CASZ1: variants seen among roughly 807,000 people sequenced by gnomAD.
The protein encoded by CASZ1 is zinc finger protein castor homolog 1.
Under a neutral mutation model 135.2 loss-of-function variants are expected in CASZ1, and 28 were observed. That is an observed-to-expected ratio of 0.21 (90% CI 0.15 to 0.28). The LOEUF is 0.28. CASZ1 is among the 10% of genes least tolerant of loss of function. CASZ1 has a pLI of 1.00. For missense variants in CASZ1, 2,161 were observed against 2,453.3 expected (o/e 0.88, Z 2.52); for synonymous variants, 1,068 against 1,073.4 (o/e 0.99, Z 0.10).
At chr1:10,758,913 T>A (rs1640310537) in intron 2 of CASZ1, among the ~76,000 whole-genome samples, 1 of 152,138 alleles carries the variant, frequency 6.6e-6, no homozygotes. Flanking sequence ...CCAAGCTTCA[T>A]TATCAAGTCC....
At chr1:10,644,408 G>A (rs780238948) in intron 18 of CASZ1, among the ~76,000 whole-genome samples, 64 of 152,110 alleles carry the variant, frequency 4.2e-4, no homozygotes, top group Non-Finnish European at 7.1e-4. Flanking sequence ...GATCTGAGTC[G>A]CCACCACTGT....
At chr1:10,683,864 AGAC>A (rs2100369851) in intron 4 of CASZ1, among the ~76,000 whole-genome samples, 1 of 152,338 alleles carries the variant, frequency 6.6e-6, no homozygotes, top group East Asian at 1.9e-4. Flanking sequence ...ATGTGTTTGC[AGAC>A]TACAGGTGGG....
Position 10,735,553 on chromosome 1 carries a change from C to T in CASZ1, c.-77+25148G>A, listed in dbSNP as rs183597921. 6.6e-6 allele frequency among the ~76,000 whole-genome samples: 1 copy of T among 152,264 alleles called. No homozygotes were observed. Among genetic ancestry groups the T allele is most frequent in the Non-Finnish European group, 1.5e-5 (1 of 68,014 alleles). ...TTTGCCTGGGGGAGGGGGTGTGCTG[C>T]AGGAAGGAGGGATGGCTGGTGCCTC... On this transcript the variant is annotated intron_variant, in intron 2 of 20. Transcript: ENST00000377022. This position sits in a 1 kb window ranked among gnomAD's most constrained non-coding sequence, Gnocchi z 5.1.
chr1:10,760,036 G>A (rs1423625607), intron 2 of CASZ1, among the ~76,000 whole-genome samples: 3 of 152,198 alleles, frequency 2.0e-5, no homozygotes, highest in African/African-American at 7.2e-5. Flanking sequence ...ATATCTGACA[G>A]TACCAGCTCC....
Position 10,721,452 on chromosome 1 carries a change from G to A in CASZ1, c.-76-15908C>T, listed in dbSNP as rs1168229672. 1.3e-5 allele frequency among the ~76,000 whole-genome samples: 2 copies of A among 152,218 alleles called. No homozygotes were observed. The highest frequency in any genetic ancestry group is 2.4e-5 in the African/African-American group (1 of 41,452). On this transcript the variant is annotated intron_variant, in intron 2 of 20. Coordinates refer to ENST00000377022, the MANE Select transcript of CASZ1 (RefSeq NM_001079843.3). The surrounding 1 kb of genome is among the most constrained non-coding windows in gnomAD (Gnocchi z 5.4). ...GGGTGAGAGAAAACAAAAAAGGCCTGTTAACCAAAACACTAATTGCTGTGA... is the reference window on the plus strand; with the variant it reads ...GGGTGAGAGAAAACAAAAAAGGCCTATTAACCAAAACACTAATTGCTGTGA...
In CASZ1 at chr1:10,639,674, G is replaced by T; in HGVS notation, c.4548C>A (p.His1516Gln). The T allele has an allele frequency of 6.3e-7, 1 of 1,599,642 alleles. No individual in the cohort carries two copies. ...CPFSGTSTHFHCLRCRFRCTD... is the reference protein window; with the variant it reads ...CPFSGTSTHFQCLRCRFRCTD... Reference sequence around the variant, plus strand: ...TGCAGCGGAAGCGGCAGCGCAGGCAGTGGAAGTGCGTGCTGGTGCCCGAGA... The same window carrying T: ...TGCAGCGGAAGCGGCAGCGCAGGCATTGGAAGTGCGTGCTGGTGCCCGAGA... Residue 1516 changes from histidine to glutamine, a missense_variant, in exon 21 of 21, where the codon CAC (histidine) becomes CAA (glutamine). By Grantham distance (24) the His-to-Gln change is conservative. This residue lies in a region of CASZ1 where 240 missense variants were observed against 321.4 expected (regional missense o/e 0.75). Coordinates refer to ENST00000377022, the MANE Select transcript of CASZ1 (RefSeq NM_001079843.3). The surrounding 1 kb of genome is among the most constrained non-coding windows in gnomAD (Gnocchi z 4.0).
At chr1:10,723,721 C>T (rs1639546146) in intron 2 of CASZ1, among the ~76,000 whole-genome samples, 1 of 152,328 alleles carries the variant, frequency 6.6e-6, no homozygotes, top group African/African-American at 2.4e-5. Context: ...TCTTCCTTGG[C>T]CCTGTCTCCC....
rs1640339367 is a variant in CASZ1, at chr1:10,759,979, G to A, written c.-77+722C>T. On this transcript the variant is annotated intron_variant, in intron 2 of 20. Coordinates refer to ENST00000377022, the MANE Select transcript of CASZ1 (RefSeq NM_001079843.3). This position sits in a 1 kb window ranked among gnomAD's most constrained non-coding sequence, Gnocchi z 4.2. ...GCATGCAATGAGTCACCCAATGTGT[G>A]TCAACCCCTCACCCCAAGAACTGCC... 6.6e-6 allele frequency among the ~76,000 whole-genome samples: 1 copy of A among 152,178 alleles called. No homozygotes were observed. The highest frequency in any genetic ancestry group is 6.5e-5 in the Admixed American group (1 of 15,286).
chr1:10,659,406 CGT>C (rs1207742737), intron 6 of CASZ1, among the ~76,000 whole-genome samples: 7 of 152,054 alleles, frequency 4.6e-5, no homozygotes, highest in African/African-American at 1.7e-4. Flanking sequence ...GTGTGGGTGG[CGT>C]GTGTGGGGGG....
At chr1:10,684,824 G>A (rs1178177686) in intron 4 of CASZ1, among the ~76,000 whole-genome samples, 1 of 152,212 alleles carries the variant, frequency 6.6e-6, no homozygotes, top group Non-Finnish European at 1.5e-5. Flanking sequence ...TCTCATGCCC[G>A]TGGAGGCCAG....
At chr1:10,645,198 C>G in intron 17 of CASZ1, 110 bp from the exon 18 acceptor site, 1 of 925,982 alleles carries the variant, frequency 1.1e-6, no homozygotes, top group Non-Finnish European at 1.6e-6. Context: ...CTTCTCTGCT[C>G]AGAAGCTGAT....
At chr1:10,750,162 G>A (rs939613495) in intron 2 of CASZ1, among the ~76,000 whole-genome samples, 1 of 152,210 alleles carries the variant, frequency 6.6e-6, no homozygotes, top group Non-Finnish European at 1.5e-5. Flanking sequence ...CCAGGGATGG[G>A]CTCTTCTGCA....
rs1276980129 is a variant in CASZ1, at chr1:10,647,853, G to A, written c.3445C>T (p.Leu1149=). ...LPASPLATTS[L]ENAKPQVKPG... is the part of the protein sequence containing the mutation. ...TTGACCTGGGGCTTGGCGTTCTCTA[G>A]AGAAGTCGTTGCCAAGGGCGAGGCG... Residue 1149 remains leucine, a synonymous_variant, in exon 16 of 21, where the codon CTA becomes TTA. Transcript: ENST00000377022. This position sits in a 1 kb window ranked among gnomAD's most constrained non-coding sequence, Gnocchi z 4.9. 3.1e-6 allele frequency: 5 copies of A among 1,614,000 alleles called. No individual in the cohort carries two copies. The highest frequency in any genetic ancestry group is 1.7e-5 in the Admixed American group (1 of 60,032).
chr1:10,752,475 C>T (rs1343827842), intron 2 of CASZ1, among the ~76,000 whole-genome samples: 1 of 152,196 alleles, frequency 6.6e-6, no homozygotes, highest in Non-Finnish European at 1.5e-5. Context: ...CCAAGGGCCA[C>T]CTGGGCCCAA....
In CASZ1 at chr1:10,639,114, T is replaced by G; in HGVS notation, c.5108A>C (p.Asp1703Ala). 8.7e-7 allele frequency: 1 copy of G among 1,153,410 alleles called. No homozygotes were observed. The highest frequency in any genetic ancestry group is 1.1e-6 in the Non-Finnish European group (1 of 914,472). 71.4% of individuals were successfully genotyped at this position (1,153,410 alleles called of 1,614,324 possible). A position where few individuals can be genotyped will look rare whatever the true frequency, so the allele number is the denominator to read the frequency against. ...EDEDDDEDDD[D>A]EDDDEDDDDE... is the part of the protein sequence containing the mutation. ...GTCGTCGTCCTCGTCGTCGTCCTCGTCGTCGTCGTCCTCGTCGTCGTCCTC... is the reference window on the plus strand; with the variant it reads ...GTCGTCGTCCTCGTCGTCGTCCTCGGCGTCGTCGTCCTCGTCGTCGTCCTC... The change falls in exon 21 of 21, where the codon GAC (aspartate) becomes GCC (alanine). Residue 1703 changes from aspartate (D) to alanine (A), a missense_variant. This residue lies in a region of CASZ1 where 185 missense variants were observed against 134.7 expected (regional missense o/e 1.37). Transcript: ENST00000377022. The surrounding 1 kb of genome is among the most constrained non-coding windows in gnomAD (Gnocchi z 4.0).
intron 11 of CASZ1, chr1:10,652,185 G>A (rs1329072019): frequency 1.3e-5 from 2 of 152,300 alleles, no homozygotes; most frequent in African/African-American, 4.8e-5. Flanking sequence ...TGCAAGGTGT[G>A]GGCAGAGCCC....
rs577165388 is a variant in CASZ1, at chr1:10,777,535, C to T, written c.-233-16678G>A. 3.0e-4 allele frequency among the ~76,000 whole-genome samples: 45 copies of T among 152,310 alleles called. No individual in the cohort carries two copies. The highest frequency in any genetic ancestry group is 9.9e-4 in the African/African-American group (41 of 41,554). On this transcript the variant is annotated intron_variant, in intron 1 of 20. Transcript: ENST00000377022. This position sits in a 1 kb window ranked among gnomAD's most constrained non-coding sequence, Gnocchi z 4.4. ...GACCAAGTGATACGCGAAAAACAGA[C>T]GGAAGACCCCGTTAATTTTACTCTG... is the stretch of plus-strand genomic sequence containing the variant.
chr1:10,793,943 C>T lies in CASZ1; in HGVS notation c.-234+2621G>A, dbSNP rs1316709740. 2.6e-5 allele frequency among the ~76,000 whole-genome samples: 4 copies of T among 152,226 alleles called. No homozygotes were observed. The East Asian group carries it at 7.8e-4, about 30-fold the overall frequency. On this transcript the variant is annotated intron_variant, in intron 1 of 20. Coordinates refer to ENST00000377022, the MANE Select transcript of CASZ1 (RefSeq NM_001079843.3). ...AGATTGCGCAGGTCGCGACGCCCGC[C>T]CGGGACGCACCGCCTGGTCGCCACC...
Position 10,646,020 on chromosome 1 carries a change from G to T in CASZ1, c.3696+108C>A, listed in dbSNP as rs569104979. The T allele has an allele frequency of 3.8e-6, 4 of 1,063,984 alleles. No homozygotes were observed. The East Asian group carries it at 7.7e-5, about 20-fold the overall frequency. The allele number at this position is 1,063,984 out of a possible 1,614,324, so 65.9% of individuals were successfully genotyped here. A position where few individuals can be genotyped will look rare whatever the true frequency, so the allele number is the denominator to read the frequency against. On this transcript the variant is annotated intron_variant, in intron 17 of 20. Coordinates refer to ENST00000377022, the MANE Select transcript of CASZ1 (RefSeq NM_001079843.3). This position sits in a 1 kb window ranked among gnomAD's most constrained non-coding sequence, Gnocchi z 6.4. ...CGGGAGGCCCATTTAAATAAGCAAG[G>T]TGTGAGAAATGGAGCCTCTGCCAGG... is the stretch of plus-strand genomic sequence containing the variant.
Sources: allele counts gnomAD v4.1 joint callset (sites outside exome capture counted in the v4.1 genomes callset), GRCh38; gene constraint gnomAD v4.1.1; regional missense constraint gnomAD v4.1.1; non-coding constraint Gnocchi (gnomAD v3.1); transcripts MANE v1.5; gene names NCBI Gene and HGNC (gene_info 2026-07-23, HGNC 2026-07-21).